Variants in GRIP1 observed in about 807,000 individuals in gnomAD.
GRIP1 encodes the protein glutamate receptor interacting protein 1, also known as glutamate receptor-interacting protein 1.
In GRIP1, 45 loss-of-function variants were observed where a neutral mutation model predicts 129.9. The ratio of observed to expected loss-of-function variants is 0.35; its 90% CI spans 0.27 to 0.44. GRIP1 has a LOEUF of 0.44. GRIP1 is among the 20% of genes least tolerant of loss of function. The pLI, the probability that GRIP1 is intolerant of heterozygous loss-of-function variation, is 1.00. For missense variants in GRIP1, 1,196 were observed against 1,396.8 expected (o/e 0.86, Z 2.29); for synonymous variants, 530 against 520.8 (o/e 1.02, Z -0.24).
intron 1 of GRIP1, among the ~76,000 whole-genome samples, chr12:66,888,166 C>A (rs1372868665): frequency 1.3e-5 from 2 of 151,868 alleles, no homozygotes; most frequent in African/African-American, 4.8e-5. Flanking sequence ...AGTGATCCTC[C>A]CACCTCAGCC....
chr12:66,814,589 TAAAAAA>T (rs79461500), intron 1 of GRIP1, among the ~76,000 whole-genome samples: 10 of 108,414 alleles, frequency 9.2e-5, no homozygotes, highest in African/African-American at 3.1e-4. Flanking sequence ...AGTGATACCA[TAAAAAA>T]AAAAAAAAAA....
chr12:66,900,460 C>T (rs988288120), intron 1 of GRIP1, among the ~76,000 whole-genome samples: 1 of 152,162 alleles, frequency 6.6e-6, no homozygotes, highest in African/African-American at 2.4e-5. Context: ...GCCTCTTGAT[C>T]TTGGACTTCC....
chr12:66,501,299 A>G (rs1245037046), intron 7 of GRIP1, among the ~76,000 whole-genome samples: 2 of 152,240 alleles, frequency 1.3e-5, no homozygotes, highest in East Asian at 3.8e-4. Flanking sequence ...ACTGAAGTTA[A>G]TACTGTTGGA....
intron 9 of GRIP1, among the ~76,000 whole-genome samples, chr12:66,462,258 G>A (rs1216818935): frequency 2.6e-5 from 4 of 152,164 alleles, no homozygotes; most frequent in African/African-American, 9.7e-5. Flanking sequence ...TGTAAACCAA[G>A]GCTTCATATA....
intron 1 of GRIP1, among the ~76,000 whole-genome samples, chr12:66,787,561 A>T (rs779196639): frequency 6.6e-6 from 1 of 152,134 alleles, no homozygotes; most frequent in Non-Finnish European, 1.5e-5. Context: ...TGATTAGATC[A>T]TGAGGGCAGG....
intron 1 of GRIP1, among the ~76,000 whole-genome samples, chr12:66,759,291 C>A: frequency 6.6e-6 from 1 of 152,200 alleles, no homozygotes; most frequent in East Asian, 1.9e-4. Context: ...TACATTGGCC[C>A]CTTTCACCCA....
chr12:66,357,523 C>T (rs899506854), intron 23 of GRIP1, among the ~76,000 whole-genome samples: 2 of 152,106 alleles, frequency 1.3e-5, no homozygotes, highest in African/African-American at 4.8e-5. Context: ...CAGCCTCATT[C>T]CTCTATTGTA....
chr12:66,999,929 TCTC>T (rs1373667469), intron 1 of GRIP1, among the ~76,000 whole-genome samples: 1 of 152,154 alleles, frequency 6.6e-6, no homozygotes, highest in African/African-American at 2.4e-5. Context: ...CTCACGCTGT[TCTC>T]CTTTCAAAGC....
intron 1 of GRIP1, among the ~76,000 whole-genome samples, chr12:66,946,186 T>C (rs1336869703): frequency 6.6e-6 from 1 of 152,192 alleles, no homozygotes; most frequent in Non-Finnish European, 1.5e-5. Context: ...CCCTCACTAT[T>C]TGCTTGCTCT....
chr12:66,575,904 C>A (rs1272169650), intron 2 of GRIP1, among the ~76,000 whole-genome samples: 2 of 152,098 alleles, frequency 1.3e-5, no homozygotes, highest in East Asian at 1.9e-4. Context: ...TAGGCAAAAT[C>A]ATATTAAAAG....
At chr12:66,938,765 T>A (rs201267642) in intron 1 of GRIP1, among the ~76,000 whole-genome samples, 1 of 152,050 alleles carries the variant, frequency 6.6e-6, no homozygotes, top group African/African-American at 2.4e-5. Flanking sequence ...AAGACCATCC[T>A]GGCCAACATG....
chr12:66,585,557 A>T (rs2139663380), intron 2 of GRIP1, among the ~76,000 whole-genome samples: 4 of 141,508 alleles, frequency 2.8e-5, no homozygotes, highest in African/African-American at 1.0e-4. Flanking sequence ...ATGCCGCAAT[A>T]AAAATACGTG....
At chr12:66,462,689 C>G (rs569984062) in intron 9 of GRIP1, among the ~76,000 whole-genome samples, 1 of 150,978 alleles carries the variant, frequency 6.6e-6, no homozygotes, top group East Asian at 1.9e-4. Context: ...GTAATCCCAG[C>G]TACTCGGGAG....
At chr12:67,069,193 C>T, upstream of GRIP1, 1 of 818,346 alleles carries the variant, frequency 1.2e-6, no homozygotes, top group Non-Finnish European at 1.5e-6. Context: ...CTCGCTCGTC[C>T]TCTAGGGCAG....
rs145594927 is a variant in GRIP1 at position 66,489,848 on chromosome 12, G to C, written c.725-24426C>G. Reference sequence around the variant, plus strand: ...AAATCTCTCTGATTTGGCAAGTAGAGAGCCAAATCATAAATGAACTCCCAT... The same window carrying C: ...AAATCTCTCTGATTTGGCAAGTAGACAGCCAAATCATAAATGAACTCCCAT... On this transcript the variant is annotated intron_variant, in intron 7 of 24. Transcript: ENST00000359742. Among the ~76,000 whole-genome samples, 1,137 of 152,108 alleles carry C rather than the reference G, an allele frequency of 7.5e-3. 18 individuals carry two copies. The highest frequency in any genetic ancestry group is 0.026 in the African/African-American group (1,095 of 41,512).
chr12:67,022,895 G>C (rs1332905578), intron 1 of GRIP1, among the ~76,000 whole-genome samples: 2 of 151,960 alleles, frequency 1.3e-5, no homozygotes, highest in Non-Finnish European at 1.5e-5. Context: ...AGTGTCTGTT[G>C]TTCCCATGTT....
intron 1 of GRIP1, among the ~76,000 whole-genome samples, chr12:66,771,103 T>C (rs1374360193): frequency 6.6e-6 from 1 of 151,302 alleles, no homozygotes; most frequent in Non-Finnish European, 1.5e-5. Flanking sequence ...AAAAGAAAGA[T>C]AGAAAGAAAA....
intron 1 of GRIP1, among the ~76,000 whole-genome samples, chr12:66,867,130 A>G (rs528609517): frequency 6.6e-6 from 1 of 152,294 alleles, no homozygotes; most frequent in Admixed American, 6.5e-5. Context: ...CTGAGATTGC[A>G]GGCGCAAGCT....
At chr12:66,385,596 ATTATTTATTTAT>A (rs149410816) in intron 19 of GRIP1, among the ~76,000 whole-genome samples, 14 of 151,558 alleles carry the variant, frequency 9.2e-5, no homozygotes, top group South Asian at 2.1e-4. Context: ...TCTCCTTTGG[ATTATTTATTTAT>A]TTATTTATTT....
Sources: gnomAD v4.1 joint callset for allele counts (sites outside exome capture counted in the v4.1 genomes callset) on GRCh38, gnomAD v4.1.1 for gene constraint, MANE v1.5 for transcripts, NCBI Gene and HGNC (gene_info 2026-07-23, HGNC 2026-07-21) for gene names.